Variants in CDH23 observed in about 807,000 individuals in gnomAD.
The protein encoded by CDH23 is cadherin-23.
CDH23 carries 189 observed loss-of-function variants against 317.1 expected under a neutral mutation model. That is an observed-to-expected ratio of 0.60 (90% confidence interval 0.53 to 0.67). The LOEUF is 0.67. CDH23 is among the 30% of genes least tolerant of loss of function. The probability of loss-of-function intolerance (pLI) is 0.00; values close to 1 mark genes in which losing one functional copy is unlikely to be tolerated. For missense variants in CDH23, 4,401 were observed against 4,592.4 expected (o/e 0.96, Z 1.20); for synonymous variants, 1,839 against 1,876.8 (o/e 0.98, Z 0.52).
intron 6 of CDH23, among the ~76,000 whole-genome samples, chr10:71,528,270 T>C (rs1243232965): frequency 2.0e-5 from 3 of 151,722 alleles, no homozygotes; most frequent in African/African-American, 7.3e-5. Context: ...GCCAGGCCTC[T>C]TGGGACTTGG....
chr10:71,483,029 A>T (rs1414479968), intron 3 of CDH23, among the ~76,000 whole-genome samples: 1 of 152,250 alleles, frequency 6.6e-6, no homozygotes, highest in African/African-American at 2.4e-5. Flanking sequence ...CTTCAGCTGC[A>T]GTTTTGCAGA....
chr10:71,463,059 G>T (rs1851084017), intron 3 of CDH23, among the ~76,000 whole-genome samples: 1 of 152,336 alleles, frequency 6.6e-6, no homozygotes, highest in South Asian at 2.1e-4. Flanking sequence ...ATGGGGAGGG[G>T]GGCGTATATT....
chr10:71,431,696 C>T (rs1048240891), intron 1 of CDH23, among the ~76,000 whole-genome samples: 13 of 152,232 alleles, frequency 8.5e-5, no homozygotes, highest in African/African-American at 2.9e-4. Context: ...CTCTCACTCC[C>T]GAGAAACTGA....
In CDH23 at chr10:71,702,150, G is replaced by A; in HGVS notation, c.2526G>A (p.Arg842=). 1 of 1,613,936 alleles carries A rather than the reference G, an allele frequency of 6.2e-7. No homozygotes were observed. The highest frequency in any genetic ancestry group is 1.1e-5 in the South Asian group (1 of 91,084). The part of the protein sequence containing the change: ...KIRTTHAMLD[R]ENPDPHEAEL... ...GCACCACCCACGCCATGCTGGACCG[G>A]GAGAACCCCGACCCCCATGAGGCCG... is the stretch of plus-strand genomic sequence containing the variant. Residue 842 remains arginine, a synonymous_variant, in exon 23 of 70, where the codon CGG becomes CGA. Coordinates refer to ENST00000224721, the MANE Select transcript of CDH23 (RefSeq NM_022124.6).
At chr10:71,641,209 C>A (rs1402860246) in intron 11 of CDH23, among the ~76,000 whole-genome samples, 1 of 152,214 alleles carries the variant, frequency 6.6e-6, no homozygotes, top group East Asian at 1.9e-4. Flanking sequence ...CAGTGTGGTT[C>A]CCTGGGGAGC....
chr10:71,799,079 C>A, intron 50 of CDH23, 32 bp from the exon 51 acceptor site: 1 of 1,595,286 alleles, frequency 6.3e-7, no homozygotes, highest in Non-Finnish European at 8.6e-7. Context: ...TGAGGAGTGG[C>A]CAAAATGGCA....
chr10:71,811,584 G>A lies in CDH23; in HGVS notation c.9272G>A (p.Arg3091Lys). 1.9e-6 allele frequency: 3 copies of A among 1,613,962 alleles called. No individual in the cohort carries two copies. The highest frequency in any genetic ancestry group is 2.5e-6 in the Non-Finnish European group (3 of 1,179,884). ...TTTGTCCTCATGAACTGGTACTACA[G>A]GACTGTGTGAGTGTCCCCCACCCCT... ...MLFVLMNWYY[R>K]TVHKRKLKAI... Residue 3091 changes from arginine to lysine, a missense_variant, in exon 64 of 70, where the codon AGG becomes AAG. Arg to Lys is a conservative substitution (Grantham distance 26). Coordinates refer to ENST00000224721, the MANE Select transcript of CDH23 (RefSeq NM_022124.6).
chr10:71,748,119 C>G (rs148987018), intron 38 of CDH23: 1 of 152,044 alleles, frequency 6.6e-6, no homozygotes, highest in Non-Finnish European at 1.5e-5. Flanking sequence ...TGGGGAAGGC[C>G]TCATTCATGA....
intron 3 of CDH23, among the ~76,000 whole-genome samples, chr10:71,474,989 C>T (rs1266968773): frequency 6.6e-6 from 1 of 152,264 alleles, no homozygotes; most frequent in East Asian, 1.9e-4. Context: ...CCCTTGATGA[C>T]TTCAAGTAAG....
At chr10:71,585,757 G>A (rs1365152088) in intron 9 of CDH23, among the ~76,000 whole-genome samples, 3 of 152,158 alleles carry the variant, frequency 2.0e-5, no homozygotes, top group Non-Finnish European at 4.4e-5. Flanking sequence ...CTCTCCTGAT[G>A]CTCTCATGAG....
chr10:71,403,940 C>T (rs1039997794), intron 1 of CDH23, among the ~76,000 whole-genome samples: 2 of 152,004 alleles, frequency 1.3e-5, no homozygotes, highest in Non-Finnish European at 2.9e-5. Context: ...AAACGTAAAA[C>T]ATTTAGCTGG....
chr10:71,805,272 A>G (rs988890163), intron 55 of CDH23, among the ~76,000 whole-genome samples: 1 of 152,190 alleles, frequency 6.6e-6, no homozygotes, highest in Non-Finnish European at 1.5e-5. Context: ...GCAGGTTAGT[A>G]ACAGACTAGA....
At chr10:71,683,288 C>G (rs1227094) in intron 18 of CDH23, among the ~76,000 whole-genome samples, 136,239 of 152,282 alleles carry the variant, frequency 0.89, 61,091 homozygotes, top group East Asian at 0.93. Flanking sequence ...GCGTGTTGAT[C>G]GAAGAGTTAG....
At chr10:71,781,188 C>G (rs1840943957) in intron 41 of CDH23, among the ~76,000 whole-genome samples, 1 of 152,132 alleles carries the variant, frequency 6.6e-6, no homozygotes. Context: ...ACAGTGAACC[C>G]AAGCCTCGCT....
intron 7 of CDH23, 79 bp downstream of exon 7, chr10:71,567,015 G>T: frequency 7.5e-7 from 1 of 1,327,400 alleles, no homozygotes; most frequent in Admixed American, 1.8e-5. Context: ...CATTCCAATG[G>T]GACATTGACC....
intron 1 of CDH23, among the ~76,000 whole-genome samples, chr10:71,400,015 G>A (rs1481143492): frequency 6.6e-6 from 1 of 152,176 alleles, no homozygotes; most frequent in African/African-American, 2.4e-5. Context: ...GCAGAGGGGA[G>A]GAGCATGAGA....
At chr10:71,780,453 A>T (rs933832658) in intron 41 of CDH23, among the ~76,000 whole-genome samples, 5 of 152,198 alleles carry the variant, frequency 3.3e-5, no homozygotes, top group African/African-American at 1.2e-4. Context: ...GTCAAGTGAC[A>T]TCTGGGGAAG....
intron 1 of CDH23, among the ~76,000 whole-genome samples, chr10:71,420,549 T>TGGTG (rs1285573654): frequency 1.1e-3 from 9 of 8,440 alleles, no homozygotes; most frequent in African/African-American, 4.0e-3. Context: ...ATGATGGTGA[T>TGGTG]ATGATGATGG....
intron 2 of CDH23, 66 bp from the exon 3 acceptor site, chr10:71,446,252 C>T: frequency 1.4e-6 from 2 of 1,473,160 alleles, no homozygotes; most frequent in South Asian, 2.3e-5. Context: ...CACCCTGTGT[C>T]ACCTTATAGA....
Sources: allele counts gnomAD v4.1 joint callset (sites outside exome capture counted in the v4.1 genomes callset), GRCh38; gene constraint gnomAD v4.1.1; transcripts MANE v1.5; gene names NCBI Gene and HGNC (gene_info 2026-07-23, HGNC 2026-07-21).